PCDHA4: variants seen among roughly 807,000 people sequenced by gnomAD.
PCDHA4 encodes protocadherin alpha 4.
A neutral mutation model predicts 61.4 loss-of-function variants in PCDHA4; 49 were observed. The observed-to-expected ratio is 0.80, with a 90% CI of 0.63 to 1.01. The LOEUF (loss-of-function observed/expected upper bound fraction) is 1.01, where lower values mean the gene tolerates loss of function less well. Among genes scored for constraint, PCDHA4 ranks in the 50% least tolerant of loss-of-function variants. PCDHA4 has a pLI of 0.00. For synonymous variants in PCDHA4, 590 were observed against 550.3 expected, an observed-to-expected ratio of 1.07 and a Z score of -1.01; for missense variants, 1,254 against 1,235.8, an observed-to-expected ratio of 1.01 and a Z score of -0.22.
At chr5:140,990,471 A>G (rs892013539) in intron 3 of PCDHA4, among the ~76,000 whole-genome samples, 4 of 152,204 alleles carry the variant, frequency 2.6e-5, no homozygotes, top group Admixed American at 1.3e-4. Context: ...GGTATCATGT[A>G]TCAAGCTGAA....
At chr5:140,918,428 T>C (rs2078691655) in intron 1 of PCDHA4, among the ~76,000 whole-genome samples, 1 of 152,194 alleles carries the variant, frequency 6.6e-6, no homozygotes, top group African/African-American at 2.4e-5. Context: ...AGTAGGATGT[T>C]GAATAGGAGT....
chr5:140,929,665 AGAAT>A (rs2086286980), intron 1 of PCDHA4: 2 of 332,822 alleles, frequency 6.0e-6, no homozygotes, highest in East Asian at 1.0e-4. Flanking sequence ...TTTAAAGTGA[AGAAT>A]GAAAAATATG....
At chr5:140,809,825 T>G (rs1764550804) in intron 1 of PCDHA4, 1 of 373,208 alleles carries the variant, frequency 2.7e-6, no homozygotes, top group Admixed American at 4.3e-5. Context: ...ATATTCACCC[T>G]CTTTGTTTTT....
chr5:140,857,254 T>C (rs2044453142), intron 1 of PCDHA4: 2 of 1,598,512 alleles, frequency 1.3e-6, no homozygotes, highest in East Asian at 4.5e-5. Flanking sequence ...CCTACAAGAA[T>C]TACTACTCAT....
chr5:140,946,611 A>AATATATATATATATATATAT lies in PCDHA4; in HGVS notation c.2386-32336_2386-32317dup, dbSNP rs1554217734. On this transcript the variant is annotated intron_variant, in intron 1 of 3. Transcript: ENST00000530339. ...GGATGAATAGATAAAGAAAATGTGA[A>AATATATATATATATATATAT]ATATATATATATATATATATACAAT... Among the ~76,000 whole-genome samples the AATATATATATATATATATAT allele has an allele frequency of 2.4e-3, 212 of 86,734 alleles. 8 individuals carry two copies. Among genetic ancestry groups the AATATATATATATATATATAT allele is most frequent in the Middle Eastern group, 0.011 (2 of 186 alleles). The allele number at this position is 86,734 out of a possible 152,430, so 56.9% of individuals were successfully genotyped here.
intron 1 of PCDHA4, among the ~76,000 whole-genome samples, chr5:140,839,552 A>G (rs2150298794): frequency 0.059 from 9,014 of 151,912 alleles, 957 homozygotes; most frequent in African/African-American, 0.21. Flanking sequence ...ACCATGCCCA[A>G]CTAATTTTTG....
Position 140,853,680 on chromosome 5 carries a change from C to G in PCDHA4, c.2385+44108C>G, listed in dbSNP as rs142269623. 1,623 of 988,078 alleles carry G rather than the reference C, an allele frequency of 1.6e-3. 141 individuals are homozygous for G. The highest frequency in any genetic ancestry group is 5.6e-3 in the South Asian group (118 of 21,118). 61.2% of individuals were successfully genotyped at this position (988,078 alleles called of 1,614,324 possible). A position where few individuals can be genotyped will look rare whatever the true frequency, so the allele number is the denominator to read the frequency against. On this transcript the variant is annotated intron_variant, in intron 1 of 3. Transcript: ENST00000530339. Reference sequence around the variant, plus strand: ...AGACAAATTGGGGCCTATGGTCAACCTATCCTTAGACCTGCTAACGCATTA... The same window carrying G: ...AGACAAATTGGGGCCTATGGTCAACGTATCCTTAGACCTGCTAACGCATTA...
chr5:140,809,245 T>C lies in PCDHA4; in HGVS notation c.2058T>C (p.Ala686=). 1 of 1,614,066 alleles carries C rather than the reference T, an allele frequency of 6.2e-7. No homozygotes were observed. The highest frequency in any genetic ancestry group is 8.5e-7 in the Non-Finnish European group (1 of 1,179,962). ...PKASSRALVG[A]VGPDAALVDV... ...CCTCCTCACGGGCGTTGGTGGGCGC[T>C]GTGGGTCCCGATGCTGCGCTGGTGG... Residue 686 remains alanine (A), a synonymous_variant, in exon 1 of 4, where the codon GCT becomes GCC. Transcript: ENST00000530339.
At chr5:140,835,436 T>A in intron 1 of PCDHA4, 1 of 1,613,890 alleles carries the variant, frequency 6.2e-7, no homozygotes, top group Non-Finnish European at 8.5e-7. Context: ...CACAGTTGAC[T>A]CTCACTTCCC....
intron 1 of PCDHA4, chr5:140,876,854 C>CA (rs1554169042): frequency 6.2e-7 from 1 of 1,613,994 alleles, no homozygotes; most frequent in Non-Finnish European, 8.5e-7. Context: ...CCCGAGTACA[C>CA]AGTGTTCGTG....
chr5:140,996,341 C>T (rs1554255109), intron 3 of PCDHA4, among the ~76,000 whole-genome samples: 2 of 152,160 alleles, frequency 1.3e-5, no homozygotes, highest in African/African-American at 4.8e-5. Context: ...AGTTTGAAAA[C>T]CCAACCAAAG....
rs2150206938 is a variant in PCDHA4, at chr5:140,833,198, G to A, written c.2385+23626G>A. ...ATGACTGCAAGGATTAAATGAAGGA[G>A]AATGAAATAGGAATGGACAGGTTAC... On this transcript the variant is annotated intron_variant, in intron 1 of 3. Coordinates refer to ENST00000530339, the MANE Select transcript of PCDHA4 (RefSeq NM_018907.4). 2.0e-5 allele frequency among the ~76,000 whole-genome samples: 3 copies of A among 152,116 alleles called. No homozygotes were observed. In the East Asian group the frequency reaches 5.8e-4, roughly 29 times the overall value.
chr5:140,928,392 G>T (rs17844366), intron 1 of PCDHA4: 1 of 1,614,052 alleles, frequency 6.2e-7, no homozygotes, highest in Admixed American at 1.7e-5. Context: ...TGCTGGCAGT[G>T]GAATCATCCA....
At chr5:140,825,303 C>T (rs1296903954) in intron 1 of PCDHA4, 1 of 148,852 alleles carries the variant, frequency 6.7e-6, no homozygotes, top group Non-Finnish European at 1.5e-5. Context: ...TTTAGTGGAA[C>T]AATGATTTAA....
At chr5:140,833,975 T>C (rs1554134022) in intron 1 of PCDHA4, among the ~76,000 whole-genome samples, 1 of 152,086 alleles carries the variant, frequency 6.6e-6, no homozygotes, top group East Asian at 1.9e-4. Flanking sequence ...GAAAAAAAAG[T>C]TTTTCTAAGG....
Position 140,898,031 on chromosome 5 carries a change from G to C in PCDHA4, c.2386-80918G>C, listed in dbSNP as rs550093815. Among the ~76,000 whole-genome samples, 156 of 152,112 alleles carry C rather than the reference G, an allele frequency of 1.0e-3. No individual in the cohort carries two copies. The South Asian group carries it at 0.016, about 16-fold the overall frequency. ...CATATCCTTTGCCCACTTTTTGATG[G>C]GGTTGTTTGTTTTTTTCTTGTAAAT... On this transcript the variant is annotated intron_variant, in intron 1 of 3. Coordinates refer to ENST00000530339, the MANE Select transcript of PCDHA4 (RefSeq NM_018907.4).
At chr5:140,822,892 G>T (rs2150120154) in intron 1 of PCDHA4, 2 of 1,614,212 alleles carry the variant, frequency 1.2e-6, no homozygotes, top group East Asian at 4.5e-5. Flanking sequence ...TCTGATCAGC[G>T]TGTCTGACCG....
At chr5:140,870,631 C>G (rs1554164498) in intron 1 of PCDHA4, 5 of 1,612,864 alleles carry the variant, frequency 3.1e-6, no homozygotes, top group Middle Eastern at 1.7e-4. Flanking sequence ...CGTGTCGGTG[C>G]ACGCGGAGAG....
At chr5:140,991,991 T>C (rs1420188681) in intron 3 of PCDHA4, among the ~76,000 whole-genome samples, 1 of 151,444 alleles carries the variant, frequency 6.6e-6, no homozygotes, top group Admixed American at 6.6e-5. Context: ...TACCACCCGG[T>C]CTTTCATGTT....
Sources: allele counts gnomAD v4.1 joint callset (sites outside exome capture counted in the v4.1 genomes callset), GRCh38; gene constraint gnomAD v4.1.1; transcripts MANE v1.5; gene names NCBI Gene and HGNC (gene_info 2026-07-23, HGNC 2026-07-21).